CA2: variants seen among roughly 807,000 people sequenced by gnomAD.
The protein encoded by CA2 is carbonic anhydrase 2, also known as carbonate dehydratase II.
CA2 carries 23 observed loss-of-function variants against 27.8 expected under a neutral mutation model. The ratio of observed to expected loss-of-function variants is 0.83; its 90% CI spans 0.59 to 1.17. The LOEUF (loss-of-function observed/expected upper bound fraction) is 1.17. Ranked by LOEUF, CA2 falls within the 50% of genes most tolerant of loss-of-function variation. The pLI, the probability that CA2 is intolerant of heterozygous loss-of-function variation, is 0.00. For missense variants in CA2, 300 were observed against 314.7 expected, an observed-to-expected ratio of 0.95 and a Z score of 0.35; for synonymous variants, 99 against 114.9, an observed-to-expected ratio of 0.86 and a Z score of 0.88.
At position 85,472,483 on chromosome 8, in the gene CA2, G is replaced by C. The variant is rs368387565; in HGVS notation, c.233-1210G>C. Reference sequence around the variant, plus strand: ...AATTATATACAGATAGTTTGTAGCCGATGGATGTGATTTTTGTTACTGATT... The same window carrying C: ...AATTATATACAGATAGTTTGTAGCCCATGGATGTGATTTTTGTTACTGATT... On this transcript the variant is annotated intron_variant, in intron 2 of 6. Transcript: ENST00000285379. Among the ~76,000 whole-genome samples, 27 of 152,212 alleles carry C rather than the reference G, an allele frequency of 1.8e-4. No homozygotes were observed. In the South Asian group the frequency reaches 3.5e-3, roughly 20 times the overall value.
In CA2 at chr8:85,468,689, G is replaced by A. The variant is rs113132369; in HGVS notation, c.232+3220G>A. ...GCAGGAGAATCGCTGGATCCCGGGA[G>A]GCGGAGGTCGCAGTGAGCCGAGACC... On this transcript the variant is annotated intron_variant, in intron 2 of 6. Transcript: ENST00000285379. Among the ~76,000 whole-genome samples, 589 of 152,220 alleles carry A rather than the reference G, an allele frequency of 3.9e-3. 3 individuals are homozygous for A. The highest frequency in any genetic ancestry group is 0.013 in the African/African-American group (556 of 41,544).
chr8:85,473,838 C>A, intron 3 of CA2, 27 bp downstream of exon 3: 1 of 1,240,680 alleles, frequency 8.1e-7, no homozygotes, highest in Non-Finnish European at 1.2e-6. Context: ...TTTTTCTTTC[C>A]AGGGAAAAAT....
chr8:85,464,285 G>A (rs2130540691), intron 1 of CA2, 170 bp downstream of exon 1: 1 of 518,834 alleles, frequency 1.9e-6, no homozygotes, highest in South Asian at 3.1e-5. Flanking sequence ...CTCCGCTCGC[G>A]GCTCCGCGGC....
chr8:85,477,915 T>C (rs1811829492), intron 6 of CA2, among the ~76,000 whole-genome samples: 1 of 152,216 alleles, frequency 6.6e-6, no homozygotes, highest in African/African-American at 2.4e-5. Context: ...AGTTGAAATG[T>C]AGAAAGTGAA....
Position 85,475,034 on chromosome 8 carries a change from G to A in CA2, c.444+618G>A, listed in dbSNP as rs571594463. ...TTAAACAACTTAAAAGGGGCCAGGT[G>A]TGGTGGCTTAAGCCTGTAATCCCAG... On this transcript the variant is annotated intron_variant, in intron 4 of 6. Coordinates refer to ENST00000285379, the MANE Select transcript of CA2 (RefSeq NM_000067.3). 4.6e-5 allele frequency among the ~76,000 whole-genome samples: 7 copies of A among 152,234 alleles called. No individual in the cohort carries two copies. The South Asian group carries it at 1.5e-3, about 32-fold the overall frequency.
At chr8:85,469,043 GATA>G (rs1811674070) in intron 2 of CA2, among the ~76,000 whole-genome samples, 1 of 152,068 alleles carries the variant, frequency 6.6e-6, no homozygotes, top group South Asian at 2.1e-4. Context: ...ATATTTGAAG[GATA>G]ACCTTATTTG....
At chr8:85,477,657 G>A (rs929180648) in intron 6 of CA2, among the ~76,000 whole-genome samples, 1 of 151,996 alleles carries the variant, frequency 6.6e-6, no homozygotes, top group East Asian at 1.9e-4. Flanking sequence ...TCACATAAGG[G>A]CTTTCTGCTA....
intron 2 of CA2, among the ~76,000 whole-genome samples, chr8:85,469,306 G>C (rs1462749561): frequency 6.6e-6 from 1 of 152,094 alleles, no homozygotes; most frequent in Non-Finnish European, 1.5e-5. Flanking sequence ...ACTTCTCATA[G>C]ATTGAGGTTT....
rs773013094 is a variant in CA2, at chr8:85,477,147, G to A, written c.535G>A (p.Asp179Asn). 12 of 1,613,874 alleles carry A rather than the reference G, an allele frequency of 7.4e-6. No individual in the cohort carries two copies. In the East Asian group the frequency reaches 1.3e-4, roughly 18 times the overall value. ...CAAGAGTGCTGACTTCACTAACTTC[G>A]ATCCTCGTGGCCTCCTTCCTGAATC... ...KGKSADFTNF[D>N]PRGLLPESLD... The change falls in exon 6 of 7, where the codon GAT (aspartate) becomes AAT (asparagine). Residue 179 changes from aspartate to asparagine, a missense_variant. Around this residue, in one of 3 missense-constraint regions of CA2, gnomAD observed 173 missense variants for 161.0 expected, o/e 1.07. Transcript: ENST00000285379.
chr8:85,471,252 T>C (rs555158123), intron 2 of CA2, among the ~76,000 whole-genome samples: 2 of 152,298 alleles, frequency 1.3e-5, no homozygotes, highest in South Asian at 4.1e-4. Context: ...AAGGATTTAA[T>C]AACATTTTCT....
intron 2 of CA2, 153 bp from the exon 3 acceptor site, chr8:85,473,540 A>G (rs1811739940): frequency 1.4e-6 from 1 of 693,566 alleles, no homozygotes; most frequent in East Asian, 2.7e-5. Context: ...AAATGTGATT[A>G]AAGGCAAACA....
intron 1 of CA2, 136 bp downstream of exon 1, chr8:85,464,251 G>T (rs1811583569): frequency 2.8e-6 from 2 of 710,340 alleles, no homozygotes; most frequent in African/African-American, 3.8e-5. Context: ...AGTGCTGGAG[G>T]CTCAGGTGCG....
At chr8:85,471,700 A>G (rs1440884707) in intron 2 of CA2, among the ~76,000 whole-genome samples, 2 of 152,026 alleles carry the variant, frequency 1.3e-5, no homozygotes, top group Non-Finnish European at 2.9e-5. Flanking sequence ...ATTATCAGCC[A>G]GTTGGTTGCT....
rs1586015318 is a variant in CA2 at position 85,474,317 on chromosome 8, G to T, written c.352-7G>T. ...CACTCACTGTGGCTTTGTCTCTTCG[G>T]CCTTAGCTTCACTTGGTTCACTGGA... is the stretch of plus-strand genomic sequence containing the variant. On this transcript the variant is annotated splice_region_variant and splice_polypyrimidine_tract_variant and intron_variant, in intron 3 of 6. Transcript: ENST00000285379. 6 of 1,610,906 alleles carry T rather than the reference G, an allele frequency of 3.7e-6. No homozygotes were observed. Among genetic ancestry groups the T allele is most frequent in the Non-Finnish European group, 5.1e-6 (6 of 1,177,116 alleles).
At chr8:85,479,699 T>C (rs1387364073) in intron 6 of CA2, among the ~76,000 whole-genome samples, 1 of 152,150 alleles carries the variant, frequency 6.6e-6, no homozygotes, top group Non-Finnish European at 1.5e-5. Context: ...GGGGTTCTAA[T>C]GTTAAATGCA....
At position 85,474,363 on chromosome 8, in the gene CA2, G is replaced by C; in HGVS notation, c.391G>C (p.Gly131Arg). ...VHWNTKYGDF[G>R]KAVQQPDGLA... Reference sequence around the variant, plus strand: ...CTGGAACACCAAATATGGGGATTTTGGGAAAGCTGTGCAGCAACCTGATGG... The same window carrying C: ...CTGGAACACCAAATATGGGGATTTTCGGAAAGCTGTGCAGCAACCTGATGG... The change falls in exon 4 of 7, where the codon GGG (glycine) becomes CGG (arginine). Residue 131 changes from glycine (G) to arginine (R), a missense_variant. This residue lies in a region of CA2 where 173 missense variants were observed against 161.0 expected (regional missense o/e 1.07). Coordinates refer to ENST00000285379, the MANE Select transcript of CA2 (RefSeq NM_000067.3). The C allele has an allele frequency of 1.9e-6, 3 of 1,614,096 alleles. No homozygotes were observed. Among genetic ancestry groups the C allele is most frequent in the Non-Finnish European group, 2.5e-6 (3 of 1,179,988 alleles).
At position 85,477,294 on chromosome 8, in the gene CA2, G is replaced by T. The variant is rs751249836; in HGVS notation, c.663+19G>T. The T allele has an allele frequency of 1.2e-6, 2 of 1,613,842 alleles. No homozygotes were observed. The highest frequency in any genetic ancestry group is 3.3e-5 in the Admixed American group (2 of 60,010). Reference sequence around the variant, plus strand: ...CGAGCAGGTTTGTTTTGTAATGACAGGTCTGTTTACGGGTGGAGCATTTAG... The same window carrying T: ...CGAGCAGGTTTGTTTTGTAATGACATGTCTGTTTACGGGTGGAGCATTTAG... On this transcript the variant is annotated intron_variant, in intron 6 of 6. Coordinates refer to ENST00000285379, the MANE Select transcript of CA2 (RefSeq NM_000067.3).
At chr8:85,477,421 C>A (rs1811819636) in intron 6 of CA2, 146 bp downstream of exon 6, 3 of 904,746 alleles carry the variant, frequency 3.3e-6, no homozygotes, top group East Asian at 2.5e-5. Context: ...TGGTGCCTAG[C>A]AAATAAACAG....
At chr8:85,470,518 C>A (rs1428119037) in intron 2 of CA2, among the ~76,000 whole-genome samples, 1 of 151,966 alleles carries the variant, frequency 6.6e-6, no homozygotes, top group East Asian at 1.9e-4. Flanking sequence ...TACTCCAGTG[C>A]ATCTTAATTT....
Sources: allele counts gnomAD v4.1 joint callset (sites outside exome capture counted in the v4.1 genomes callset), GRCh38; gene constraint gnomAD v4.1.1; regional missense constraint gnomAD v4.1.1; transcripts MANE v1.5; gene names NCBI Gene and HGNC (gene_info 2026-07-23, HGNC 2026-07-21).